The following MGAT4C variants were observed in gnomAD, a reference collection of about 807,000 sequenced individuals.
MGAT4C encodes alpha-1,3-mannosyl-glycoprotein 4-beta-N-acetylglucosaminyltransferase C.
Under a neutral mutation model 40.1 loss-of-function variants are expected in MGAT4C, and 19 were observed. That is an observed-to-expected ratio of 0.47 (90% confidence interval 0.33 to 0.70). The LOEUF (loss-of-function observed/expected upper bound fraction) is 0.70, where lower values mean the gene tolerates loss of function less well. Among genes scored for constraint, MGAT4C ranks in the 30% least tolerant of loss-of-function variants. The pLI is 0.02. For synonymous variants in MGAT4C, 181 were observed against 187.1 expected (o/e 0.97, Z 0.27); for missense variants, 491 against 563.2 (o/e 0.87, Z 1.30).
intron 4 of MGAT4C, among the ~76,000 whole-genome samples, chr12:86,285,006 T>C (rs995391576): frequency 5.3e-5 from 8 of 152,040 alleles, no homozygotes; most frequent in Non-Finnish European, 1.2e-4. Flanking sequence ...ATATTTCATT[T>C]GTGCTCATAT....
chr12:86,710,453 A>AT (rs1158709484), intron 2 of MGAT4C, among the ~76,000 whole-genome samples: 1 of 152,154 alleles, frequency 6.6e-6, no homozygotes, highest in Non-Finnish European at 1.5e-5. Flanking sequence ...CTGAGAAGAG[A>AT]TTTGGTTGTA....
At chr12:86,217,295 C>T (rs546694747) in intron 1 of MGAT4C, among the ~76,000 whole-genome samples, 1 of 152,280 alleles carries the variant, frequency 6.6e-6, no homozygotes, top group East Asian at 1.9e-4. Flanking sequence ...CTGCCTCAGC[C>T]TCCTGAGTAG....
chr12:86,246,859 G>T (rs1952057589), intron 1 of MGAT4C, among the ~76,000 whole-genome samples: 1 of 151,994 alleles, frequency 6.6e-6, no homozygotes, highest in South Asian at 2.1e-4. Context: ...TTTCTTTAAG[G>T]CCACCAGTGA....
intron 2 of MGAT4C, among the ~76,000 whole-genome samples, chr12:86,466,175 C>A (rs1184324009): frequency 6.6e-6 from 1 of 151,364 alleles, no homozygotes; most frequent in Non-Finnish European, 1.5e-5. Flanking sequence ...CGCCATTGCA[C>A]TCCAGCCTGG....
intron 1 of MGAT4C, among the ~76,000 whole-genome samples, chr12:86,812,798 A>G (rs1952502774): frequency 6.6e-6 from 1 of 152,032 alleles, no homozygotes. Context: ...GGTTTTGCCA[A>G]CCTTTACTGG....
intron 2 of MGAT4C, among the ~76,000 whole-genome samples, chr12:86,692,281 A>G (rs1950185321): frequency 6.6e-6 from 1 of 152,156 alleles, no homozygotes; most frequent in South Asian, 2.1e-4. Flanking sequence ...AAACAGTGTA[A>G]TTACAAAAAA....
chr12:86,302,270 A>G (rs1328872286), intron 4 of MGAT4C, among the ~76,000 whole-genome samples: 2 of 150,822 alleles, frequency 1.3e-5, no homozygotes, highest in African/African-American at 5.0e-5. Flanking sequence ...AACAGTTGAA[A>G]TTTTTAAAAA....
chr12:86,808,177 A>G (rs565221196), intron 1 of MGAT4C, among the ~76,000 whole-genome samples: 1 of 152,234 alleles, frequency 6.6e-6, no homozygotes, highest in South Asian at 2.1e-4. Flanking sequence ...AGATGGATTT[A>G]CAGCTGAATT....
intron 2 of MGAT4C, among the ~76,000 whole-genome samples, chr12:86,624,967 C>T (rs1354269846): frequency 6.6e-6 from 1 of 151,946 alleles, no homozygotes; most frequent in African/African-American, 2.4e-5. Flanking sequence ...CCCCACGTGT[C>T]CAGGGAGGGA....
chr12:86,085,729 G>A (rs1871695563), intron 1 of MGAT4C, among the ~76,000 whole-genome samples: 2 of 152,100 alleles, frequency 1.3e-5, no homozygotes, highest in African/African-American at 4.8e-5. Context: ...GGTGGGCAAA[G>A]AATATGAACA....
At position 86,043,852 on chromosome 12, in the gene MGAT4C, A is replaced by G. The variant is rs1232361527; in HGVS notation, c.-7+5822T>C. Among the ~76,000 whole-genome samples the G allele has an allele frequency of 3.3e-5, 5 of 152,116 alleles. No individual in the cohort carries two copies. In the East Asian group the frequency reaches 7.7e-4, roughly 23 times the overall value. The stretch of plus-strand genomic sequence containing the variant: ...TCCTGAATCTTCTTTCCTGTCCATG[A>G]TCTGAATTCTACTTCTGTCATTTCA... On this transcript the variant is annotated intron_variant, in intron 2 of 4. Coordinates refer to ENST00000611864, the MANE Select transcript of MGAT4C (RefSeq NM_001351288.2).
chr12:86,697,596 G>A (rs867078110), intron 2 of MGAT4C, among the ~76,000 whole-genome samples: 1 of 152,000 alleles, frequency 6.6e-6, no homozygotes, highest in South Asian at 2.1e-4. Context: ...TGCTGTTTCA[G>A]ATGTTTTTCT....
intron 4 of MGAT4C, among the ~76,000 whole-genome samples, chr12:86,271,654 G>A (rs1200102660): frequency 2.0e-5 from 3 of 152,032 alleles, no homozygotes; most frequent in Non-Finnish European, 2.9e-5. Context: ...CTTGGGTATC[G>A]GTCTGAACAA....
chr12:86,299,021 T>C (rs1311778236), intron 4 of MGAT4C, among the ~76,000 whole-genome samples: 3 of 152,124 alleles, frequency 2.0e-5, no homozygotes, highest in South Asian at 2.1e-4. Context: ...CCTGTAAGGG[T>C]TGGGAATAAA....
At chr12:86,417,048 T>C (rs1459537734) in intron 3 of MGAT4C, among the ~76,000 whole-genome samples, 4 of 152,146 alleles carry the variant, frequency 2.6e-5, no homozygotes, top group African/African-American at 9.7e-5. Context: ...ATCTAATTTA[T>C]GGTATGTTGT....
In MGAT4C at chr12:86,291,149, G is replaced by T. The variant is rs141495729; in HGVS notation, c.-57+42916C>A. On this transcript the variant is annotated intron_variant, in intron 4 of 7. Transcript: ENST00000548651. ...CATGACAGCAAGATAGCAAAGAAAT[G>T]AAACATAGTTGAGAATAATGTCTGG... Among the ~76,000 whole-genome samples the T allele has an allele frequency of 4.1e-4, 62 of 152,272 alleles. No individual in the cohort carries two copies. In the East Asian group the frequency reaches 0.01, roughly 25 times the overall value.
rs918644939 is a variant in MGAT4C at position 85,964,156 on chromosome 12, A to G, written c.*15133T>C. On this transcript the variant is annotated 3_prime_UTR_variant, in exon 5 of 5. Transcript: ENST00000611864. ...TATATGAAAAATTATGAAAGATTAT[A>G]AAACACCAATGATTAGATTATGTTA... 9.2e-5 allele frequency: 14 copies of G among 152,136 alleles called. No homozygotes were observed. The highest frequency in any genetic ancestry group is 3.1e-4 in the African/African-American group (13 of 41,476). 9.4% of individuals were successfully genotyped at this position (152,136 alleles called of 1,614,324 possible).
rs1035516968 is a variant in MGAT4C at position 86,832,349 on chromosome 12, AGC to A, written c.-262+6315_-262+6316del. On this transcript the variant is annotated intron_variant, in intron 1 of 7. Coordinates refer to the MGAT4C transcript ENST00000548651. ...ATGGACTTATTTACTTGCAAAATTAAGCACAAAATTTTTGTAACTTTCAAATT... is the reference window on the plus strand; with the variant it reads ...ATGGACTTATTTACTTGCAAAATTAAACAAAATTTTTGTAACTTTCAAATT... Among the ~76,000 whole-genome samples the A allele has an allele frequency of 5.3e-5, 8 of 151,954 alleles. 1 individual carries two copies. The highest frequency in any genetic ancestry group is 2.6e-4 in the Admixed American group (4 of 15,196).
At chr12:86,059,962 A>C (rs1893780231) in intron 1 of MGAT4C, among the ~76,000 whole-genome samples, 1 of 152,242 alleles carries the variant, frequency 6.6e-6, no homozygotes, top group Non-Finnish European at 1.5e-5. Context: ...TAAGGCAGAA[A>C]GATTAAGAAA....
Sources: gnomAD v4.1 joint callset for allele counts (sites outside exome capture counted in the v4.1 genomes callset) on GRCh38, gnomAD v4.1.1 for gene constraint, MANE v1.5 for transcripts, NCBI Gene and HGNC (gene_info 2026-07-23, HGNC 2026-07-21) for gene names.